CDK14: variants seen among roughly 807,000 people sequenced by gnomAD.
CDK14 encodes the protein cyclin-dependent kinase 14.
Under a neutral mutation model 60.7 loss-of-function variants are expected in CDK14, and 34 were observed. That is an observed-to-expected ratio of 0.56 (90% CI 0.43 to 0.75). The LOEUF (loss-of-function observed/expected upper bound fraction) is 0.75. Ranked by LOEUF, CDK14 falls within the 30% of genes least tolerant of loss-of-function variation. The pLI, the probability that CDK14 is intolerant of heterozygous loss-of-function variation, is 0.00. For synonymous variants in CDK14, 197 were observed against 203.7 expected, an observed-to-expected ratio of 0.97 and a Z score of 0.28; for missense variants, 482 against 564.1, an observed-to-expected ratio of 0.85 and a Z score of 1.47.
chr7:90,608,474 A>G (rs191615800), intron 2 of CDK14: 4 of 704,364 alleles, frequency 5.7e-6, no homozygotes, highest in South Asian at 1.3e-4. Context: ...AATTGTTCTC[A>G]TGGGTAAATT....
intron 10 of CDK14, among the ~76,000 whole-genome samples, chr7:91,043,334 G>A (rs374142353): frequency 1.4e-4 from 21 of 152,168 alleles, no homozygotes; most frequent in African/African-American, 3.9e-4. Context: ...ACTTCCATAG[G>A]GTCTGTTTTC....
intron 6 of CDK14, among the ~76,000 whole-genome samples, chr7:90,882,771 A>G: frequency 6.6e-6 from 1 of 152,210 alleles, no homozygotes; most frequent in Non-Finnish European, 1.5e-5. Flanking sequence ...TCAAATTAGA[A>G]CTCAGGATTA....
At chr7:90,696,336 C>CTTCT (rs772009194) in intron 2 of CDK14, among the ~76,000 whole-genome samples, 6,315 of 125,920 alleles carry the variant, frequency 0.05, 305 homozygotes, top group Non-Finnish European at 0.07. Context: ...ACTTCTTCTT[C>CTTCT]TTTTTTTTTT....
At chr7:90,673,326 G>C (rs1467799514) in intron 2 of CDK14, among the ~76,000 whole-genome samples, 1 of 152,268 alleles carries the variant, frequency 6.6e-6, no homozygotes, top group East Asian at 1.9e-4. Context: ...GGAAAGAAGA[G>C]GGAGTGATGC....
chr7:91,141,644 C>T (rs571572979), intron 14 of CDK14, among the ~76,000 whole-genome samples: 1 of 152,028 alleles, frequency 6.6e-6, no homozygotes, highest in Non-Finnish European at 1.5e-5. Flanking sequence ...AGGTGCATCT[C>T]GGCTACCAGC....
intron 2 of CDK14, among the ~76,000 whole-genome samples, chr7:90,676,078 G>C (rs1402734569): frequency 6.6e-6 from 1 of 152,178 alleles, no homozygotes; most frequent in Admixed American, 6.5e-5. Context: ...CTATATGCCT[G>C]TAATCTCTTA....
intron 2 of CDK14, among the ~76,000 whole-genome samples, chr7:90,663,864 C>G (rs1197546972): frequency 6.6e-6 from 1 of 152,092 alleles, no homozygotes; most frequent in Non-Finnish European, 1.5e-5. Flanking sequence ...AAATTTTACA[C>G]TTTTCACATA....
At chr7:90,703,667 AG>A (rs1801836449) in intron 2 of CDK14, among the ~76,000 whole-genome samples, 1 of 152,200 alleles carries the variant, frequency 6.6e-6, no homozygotes, top group South Asian at 2.1e-4. Flanking sequence ...ATTTGAAACA[AG>A]GGTTTGTAAT....
At chr7:91,074,698 G>A (rs1798245116) in intron 11 of CDK14, among the ~76,000 whole-genome samples, 1 of 152,046 alleles carries the variant, frequency 6.6e-6, no homozygotes, top group Admixed American at 6.6e-5. Context: ...TTCAAAAGAT[G>A]AATGTATCCA....
intron 2 of CDK14, among the ~76,000 whole-genome samples, chr7:90,644,144 A>T (rs567969219): frequency 6.6e-6 from 1 of 152,230 alleles, no homozygotes; most frequent in African/African-American, 2.4e-5. Flanking sequence ...TCTGCAAGCT[A>T]GGAAAAGGGT....
In CDK14 at chr7:91,024,556, C is replaced by T. The variant is rs145170530; in HGVS notation, c.1042-21341C>T. 4.1e-3 allele frequency among the ~76,000 whole-genome samples: 624 copies of T among 152,322 alleles called. 5 individuals are homozygous for T. Among genetic ancestry groups the T allele is most frequent in the African/African-American group, 0.014 (589 of 41,570 alleles). ...GTCCCAGCTACTCAGGAGGCTGAGG[C>T]AGGAGAATCACTTGAACCTGGGAGG... On this transcript the variant is annotated intron_variant, in intron 10 of 14. Transcript: ENST00000380050.
intron 8 of CDK14, among the ~76,000 whole-genome samples, chr7:90,918,207 C>T (rs1039489306): frequency 5.9e-5 from 9 of 152,132 alleles, no homozygotes; most frequent in Non-Finnish European, 1.0e-4. Context: ...GCAGGAGATA[C>T]ACAATAATGT....
intron 6 of CDK14, among the ~76,000 whole-genome samples, chr7:90,898,145 T>C (rs981771611): frequency 6.6e-6 from 1 of 152,120 alleles, no homozygotes; most frequent in Non-Finnish European, 1.5e-5. Flanking sequence ...GCTGTGCCCT[T>C]GAACATCATC....
chr7:90,796,456 T>C (rs1306006280), intron 5 of CDK14, among the ~76,000 whole-genome samples: 6 of 152,072 alleles, frequency 3.9e-5, no homozygotes, highest in Non-Finnish European at 1.5e-5. Flanking sequence ...AGTGAAAAAA[T>C]AGGGCCAGAG....
At chr7:91,103,159 A>G (rs978505782) in intron 12 of CDK14, among the ~76,000 whole-genome samples, 2 of 152,218 alleles carry the variant, frequency 1.3e-5, no homozygotes, top group Admixed American at 1.3e-4. Context: ...AGGCTGAGGC[A>G]GGAGAATCGC....
At chr7:90,640,093 C>G (rs1292045181) in intron 2 of CDK14, among the ~76,000 whole-genome samples, 1 of 152,156 alleles carries the variant, frequency 6.6e-6, no homozygotes, top group African/African-American at 2.4e-5. Context: ...GTGCCTCGCC[C>G]TGCTTCAGCT....
At chr7:90,988,227 C>T (rs886271531) in intron 10 of CDK14, among the ~76,000 whole-genome samples, 7 of 151,656 alleles carry the variant, frequency 4.6e-5, no homozygotes, top group African/African-American at 1.7e-4. Flanking sequence ...ATTTCTGGAA[C>T]ATAATAACCA....
chr7:90,667,815 C>A (rs1214011941), intron 2 of CDK14, among the ~76,000 whole-genome samples: 2 of 152,148 alleles, frequency 1.3e-5, no homozygotes, highest in Non-Finnish European at 2.9e-5. Flanking sequence ...GTGATCCGCC[C>A]GCCTCTGCCT....
intron 5 of CDK14, among the ~76,000 whole-genome samples, chr7:90,807,392 T>TGAATGTTA (rs1180817685): frequency 1.3e-5 from 2 of 152,188 alleles, no homozygotes; most frequent in African/African-American, 4.8e-5. Context: ...CCAACAGACC[T>TGAATGTTA]GCAGCTGAGG....
Sources: gnomAD v4.1 joint callset for allele counts (sites outside exome capture counted in the v4.1 genomes callset) on GRCh38, gnomAD v4.1.1 for gene constraint, MANE v1.5 for transcripts, NCBI Gene and HGNC (gene_info 2026-07-23, HGNC 2026-07-21) for gene names.